Variants in MGST1 observed in about 807,000 individuals in gnomAD.
MGST1 encodes the protein glutathione S-transferase 12.
In MGST1, 5 loss-of-function variants were observed where a neutral mutation model predicts 8.9. The ratio of observed to expected loss-of-function variants is 0.56; its 90% CI spans 0.29 to 1.19. The LOEUF (loss-of-function observed/expected upper bound fraction) is 1.19. Ranked by LOEUF, MGST1 falls within the 50% of genes most tolerant of loss-of-function variation. The probability of loss-of-function intolerance (pLI) is 0.08; values close to 1 mark genes in which losing one functional copy is unlikely to be tolerated. For synonymous variants in MGST1, 54 were observed against 67.8 expected (o/e 0.80, Z 1.00); for missense variants, 182 against 187.4 (o/e 0.97, Z 0.17).
At chr12:16,541,952 GC>G (rs1174232046) in intron 4 of MGST1, among the ~76,000 whole-genome samples, 5 of 152,160 alleles carry the variant, frequency 3.3e-5, no homozygotes, top group Admixed American at 6.5e-5. Context: ...CCCAGAGATA[GC>G]CTAGACAGTC....
chr12:16,382,926 G>A (rs1297345454), exon 1 of MGST1: 2 of 153,020 alleles, frequency 1.3e-5, no homozygotes, highest in South Asian at 2.1e-4. Flanking sequence ...AGACTCCGTG[G>A]GCATGGGACC....
chr12:16,561,583 T>A (rs1565484958), intron 4 of MGST1, among the ~76,000 whole-genome samples: 2 of 152,204 alleles, frequency 1.3e-5, no homozygotes, highest in African/African-American at 2.4e-5. Flanking sequence ...AATGTACTTT[T>A]AAAAACCTTA....
At chr12:16,479,859 C>T (rs965649529) in intron 4 of MGST1, among the ~76,000 whole-genome samples, 1 of 152,092 alleles carries the variant, frequency 6.6e-6, no homozygotes, top group Non-Finnish European at 1.5e-5. Context: ...TCTAGGTTCA[C>T]AGCAAAACAG....
chr12:16,377,415 C>T (rs991492778), downstream of MGST1, among the ~76,000 whole-genome samples: 3 of 150,508 alleles, frequency 2.0e-5, no homozygotes, highest in Admixed American at 6.7e-5. Flanking sequence ...TTTGTCCTTG[C>T]GATAGTTTGC....
chr12:16,485,719 T>C (rs1407000712), intron 4 of MGST1, among the ~76,000 whole-genome samples: 2 of 152,138 alleles, frequency 1.3e-5, no homozygotes, highest in African/African-American at 2.4e-5. Flanking sequence ...AACCAAATGA[T>C]AAAGATAAAA....
intron 3 of MGST1, among the ~76,000 whole-genome samples, chr12:16,372,695 G>A (rs1309946364): frequency 6.6e-6 from 1 of 151,658 alleles, no homozygotes; most frequent in Non-Finnish European, 1.5e-5. Context: ...TCGAAAGAAC[G>A]GAAATCAGTA....
chr12:16,572,676 A>G (rs1404778639), intron 4 of MGST1, among the ~76,000 whole-genome samples: 1 of 147,984 alleles, frequency 6.8e-6, no homozygotes, highest in Admixed American at 6.8e-5. Flanking sequence ...TTAAATATAT[A>G]GATTATATAT....
chr12:16,429,103 A>G (rs1309760767), intron 1 of MGST1, among the ~76,000 whole-genome samples: 1 of 152,126 alleles, frequency 6.6e-6, no homozygotes, highest in Non-Finnish European at 1.5e-5. Context: ...ACATCGTTAA[A>G]TTCCAGCACC....
intron 3 of MGST1, among the ~76,000 whole-genome samples, chr12:16,375,929 A>G (rs548001043): frequency 6.6e-6 from 1 of 152,110 alleles, no homozygotes; most frequent in South Asian, 2.1e-4. Context: ...ATACGCTCCC[A>G]TGCCAATAAA....
chr12:16,352,146 AT>A (rs1939495447), intron 1 of MGST1, among the ~76,000 whole-genome samples: 1 of 152,214 alleles, frequency 6.6e-6, no homozygotes, highest in South Asian at 2.1e-4. Context: ...GGGTATAGTT[AT>A]GACAATTGTA....
At chr12:16,480,668 A>G (rs116203931) in intron 4 of MGST1, among the ~76,000 whole-genome samples, 237 of 152,358 alleles carry the variant, frequency 1.6e-3, no homozygotes, top group African/African-American at 5.4e-3. Flanking sequence ...GCTAAGAAAC[A>G]AAAGCCAGGG....
Position 16,364,056 on chromosome 12 carries a change from C to A in MGST1, c.*15C>A. ...TGTACCTGTAAAGAAAATCATACAACTCAGCATCCAGTTGGCTTTTTAAGA... is the reference window on the plus strand; with the variant it reads ...TGTACCTGTAAAGAAAATCATACAAATCAGCATCCAGTTGGCTTTTTAAGA... On this transcript the variant is annotated 3_prime_UTR_variant, in exon 4 of 4. Coordinates refer to ENST00000396210, the MANE Select transcript of MGST1 (RefSeq NM_020300.5). This position sits in a 1 kb window ranked among gnomAD's most constrained non-coding sequence, Gnocchi z 5.7. 6.3e-7 allele frequency: 1 copy of A among 1,579,254 alleles called. No individual in the cohort carries two copies. The highest frequency in any genetic ancestry group is 1.2e-5 in the South Asian group (1 of 86,936).
intron 4 of MGST1, among the ~76,000 whole-genome samples, chr12:16,562,607 G>GGACCTGA (rs1314472160): frequency 1.3e-5 from 2 of 152,148 alleles, no homozygotes; most frequent in Non-Finnish European, 2.9e-5. Context: ...TTAACCACTG[G>GGACCTGA]GACCTGAGAC....
intron 1 of MGST1, among the ~76,000 whole-genome samples, chr12:16,351,492 CTG>C (rs1261008836): frequency 6.6e-6 from 1 of 152,032 alleles, no homozygotes; most frequent in Non-Finnish European, 1.5e-5. Context: ...TAAATCCAAG[CTG>C]TATATTTTTA....
chr12:16,579,009 A>T (rs372692245), intron 4 of MGST1, among the ~76,000 whole-genome samples: 37 of 152,186 alleles, frequency 2.4e-4, no homozygotes, highest in African/African-American at 8.4e-4. Flanking sequence ...TTACATTTGT[A>T]CACACTCTTG....
intron 4 of MGST1, among the ~76,000 whole-genome samples, chr12:16,540,842 G>A (rs758098585): frequency 3.9e-5 from 6 of 152,126 alleles, no homozygotes; most frequent in East Asian, 1.9e-4. Context: ...CCCAGGAGGC[G>A]GAGGTTGCAG....
chr12:16,418,919 G>A (rs1940808883), intron 1 of MGST1, among the ~76,000 whole-genome samples: 1 of 152,060 alleles, frequency 6.6e-6, no homozygotes, highest in Admixed American at 6.6e-5. Context: ...GATCAATTTG[G>A]AGAACTCATA....
downstream of MGST1, chr12:16,364,475 A>T: frequency 1.2e-6 from 1 of 862,512 alleles, no homozygotes; most frequent in Non-Finnish European, 1.4e-6. This position sits in a 1 kb window ranked among gnomAD's most constrained non-coding sequence, Gnocchi z 5.7. Context: ...GGTAAAGTTG[A>T]AAAATAGTAC....
intron 4 of MGST1, among the ~76,000 whole-genome samples, chr12:16,485,599 C>T (rs1161126520): frequency 6.6e-6 from 1 of 152,330 alleles, no homozygotes; most frequent in East Asian, 1.9e-4. Flanking sequence ...ACCGTTCTCA[C>T]TATTGTTTCC....
Sources: allele counts gnomAD v4.1 joint callset (sites outside exome capture counted in the v4.1 genomes callset), GRCh38; gene constraint gnomAD v4.1.1; non-coding constraint Gnocchi (gnomAD v3.1); transcripts MANE v1.5; gene names NCBI Gene and HGNC (gene_info 2026-07-23, HGNC 2026-07-21).